BCAS3: variants seen among roughly 807,000 people sequenced by gnomAD.
The protein encoded by BCAS3 is BCAS3 microtubule associated cell migration factor, also known as BCAS4/BCAS3 fusion.
Under a neutral mutation model 116.1 loss-of-function variants are expected in BCAS3, and 53 were observed. The observed-to-expected ratio is 0.46, with a 90% CI of 0.37 to 0.57. BCAS3 has a LOEUF of 0.57. BCAS3 is among the 20% of genes least tolerant of loss of function. The pLI, the probability that BCAS3 is intolerant of heterozygous loss-of-function variation, is 0.00. For synonymous variants in BCAS3, 391 were observed against 408.2 expected (o/e 0.96, Z 0.51); for missense variants, 917 against 1,165.4 (o/e 0.79, Z 3.10).
chr17:60,757,177 A>T (rs2043066921), intron 6 of BCAS3, among the ~76,000 whole-genome samples: 1 of 151,306 alleles, frequency 6.6e-6, no homozygotes, highest in Non-Finnish European at 1.5e-5. Context: ...AAAAAAAAGG[A>T]GTTCCCTTCT....
Position 61,097,274 on chromosome 17 carries a change from G to A in BCAS3, c.2425+12710G>A, listed in dbSNP as rs1018819876. Among the ~76,000 whole-genome samples the A allele has an allele frequency of 6.6e-6, 1 of 152,152 alleles. No homozygotes were observed. Among genetic ancestry groups the A allele is most frequent in the African/African-American group, 2.4e-5 (1 of 41,430 alleles). ...GCTCACTGCAAGCTCCACCTCCCGG[G>A]TTCATGCCATTCTCTTGCCTCAGCC... On this transcript the variant is annotated intron_variant, in intron 22 of 23. Transcript: ENST00000407086. The surrounding 1 kb of genome is among the most constrained non-coding windows in gnomAD (Gnocchi z 4.0).
chr17:61,239,000 G>C (rs955700273), intron 22 of BCAS3, among the ~76,000 whole-genome samples: 2 of 152,004 alleles, frequency 1.3e-5, no homozygotes, highest in South Asian at 4.1e-4. Context: ...AAAATGCTTG[G>C]GTACCTAAGA....
chr17:61,337,840 T>G lies in BCAS3; in HGVS notation c.2426-30487T>G, dbSNP rs2143193153. ...TGTTATGGAGAATTTGTGGTGTGCCTGTGAATATTTCCACCAGTCCTGCAA... is the reference window on the plus strand; with the variant it reads ...TGTTATGGAGAATTTGTGGTGTGCCGGTGAATATTTCCACCAGTCCTGCAA... On this transcript the variant is annotated intron_variant, in intron 22 of 23. Transcript: ENST00000407086. The surrounding 1 kb of genome is among the most constrained non-coding windows in gnomAD (Gnocchi z 4.8). 6.6e-6 allele frequency among the ~76,000 whole-genome samples: 1 copy of G among 152,312 alleles called. No homozygotes were observed. Among genetic ancestry groups the G allele is most frequent in the East Asian group, 1.9e-4 (1 of 5,186 alleles).
rs1223160254 is a variant in BCAS3 at position 61,151,247 on chromosome 17, G to A, written c.2425+66683G>A. Among the ~76,000 whole-genome samples, 1 of 152,102 alleles carries A rather than the reference G, an allele frequency of 6.6e-6. No homozygotes were observed. Among genetic ancestry groups the A allele is most frequent in the African/African-American group, 2.4e-5 (1 of 41,428 alleles). ...TTCATTGGAGGATTTTCGATCTTCAGATTAGGGATTCTCAACCAGTAAGTA... is the reference window on the plus strand; with the variant it reads ...TTCATTGGAGGATTTTCGATCTTCAAATTAGGGATTCTCAACCAGTAAGTA... On this transcript the variant is annotated intron_variant, in intron 22 of 23. Transcript: ENST00000407086. The surrounding 1 kb of genome is among the most constrained non-coding windows in gnomAD (Gnocchi z 4.8).
rs1445644735 is a variant in BCAS3, at chr17:61,256,428, T to G, written c.2426-111899T>G. ...AAGTGATTCTCCTGTCTCAGCCTCC[T>G]GAGTAGCTGGGATTACAGGCGTGGG... On this transcript the variant is annotated intron_variant, in intron 22 of 23. Transcript: ENST00000407086. The surrounding 1 kb of genome is among the most constrained non-coding windows in gnomAD (Gnocchi z 5.6). Among the ~76,000 whole-genome samples the G allele has an allele frequency of 1.3e-5, 2 of 152,142 alleles. No individual in the cohort carries two copies. The highest frequency in any genetic ancestry group is 2.9e-5 in the Non-Finnish European group (2 of 68,008).
chr17:60,799,490 T>C (rs2047507083), intron 6 of BCAS3, among the ~76,000 whole-genome samples: 1 of 150,872 alleles, frequency 6.6e-6, no homozygotes, highest in Non-Finnish European at 1.5e-5. Context: ...ATAGTAGAAT[T>C]ATACAATATG....
At chr17:60,906,548 A>G (rs1476935370) in intron 11 of BCAS3, among the ~76,000 whole-genome samples, 1 of 151,972 alleles carries the variant, frequency 6.6e-6, no homozygotes, top group Admixed American at 6.6e-5. Flanking sequence ...GTTTCTTAGC[A>G]CCCTACCTCC....
intron 9 of BCAS3, among the ~76,000 whole-genome samples, chr17:60,886,821 T>A (rs915191267): frequency 6.6e-6 from 1 of 151,918 alleles, no homozygotes; most frequent in Non-Finnish European, 1.5e-5. Context: ...TCCAGCTGCG[T>A]GCTGGGAGAA....
chr17:60,784,234 A>G (rs1436280990), intron 6 of BCAS3, among the ~76,000 whole-genome samples: 2 of 107,676 alleles, frequency 1.9e-5, no homozygotes, highest in Non-Finnish European at 3.7e-5. Flanking sequence ...TACCAAATTG[A>G]AAAAAAAAAG....
chr17:61,280,909 C>T (rs1202174029), intron 22 of BCAS3, among the ~76,000 whole-genome samples: 1 of 152,146 alleles, frequency 6.6e-6, no homozygotes, highest in Non-Finnish European at 1.5e-5. Flanking sequence ...ACTGATTGGC[C>T]TGCTGTATTC....
chr17:60,881,158 T>C (rs1048020480), intron 9 of BCAS3, among the ~76,000 whole-genome samples: 12 of 152,212 alleles, frequency 7.9e-5, no homozygotes, highest in Admixed American at 7.8e-4. Context: ...GTATTTTTAG[T>C]AGAGATGGGA....
chr17:61,263,176 G>A (rs2049378635), intron 22 of BCAS3, among the ~76,000 whole-genome samples: 1 of 152,208 alleles, frequency 6.6e-6, no homozygotes, highest in African/African-American at 2.4e-5. Flanking sequence ...TGTGGACAAA[G>A]CTTAAGGAAA....
chr17:60,909,650 A>C (rs1021139008), intron 11 of BCAS3, among the ~76,000 whole-genome samples: 1 of 151,888 alleles, frequency 6.6e-6, no homozygotes, highest in Admixed American at 6.6e-5. Flanking sequence ...TCTTCCTTTC[A>C]TTTCTTTTTC....
intron 22 of BCAS3, among the ~76,000 whole-genome samples, chr17:61,089,411 CCTT>C (rs1306790958): frequency 6.7e-6 from 1 of 148,704 alleles, no homozygotes. Context: ...GCTGGAAGGA[CCTT>C]CTTATAGAGG....
intron 6 of BCAS3, among the ~76,000 whole-genome samples, chr17:60,779,141 C>G (rs187018252): frequency 2.6e-5 from 4 of 151,954 alleles, no homozygotes; most frequent in Admixed American, 6.6e-5. Flanking sequence ...AAATTTGGAG[C>G]CTGTTTGAGC....
At position 60,792,448 on chromosome 17, in the gene BCAS3, G is replaced by T. The variant is rs73990982; in HGVS notation, c.404-15556G>T. Among the ~76,000 whole-genome samples the T allele has an allele frequency of 1.9e-3, 288 of 152,344 alleles. 3 individuals carry two copies. Among genetic ancestry groups the T allele is most frequent in the African/African-American group, 6.6e-3 (275 of 41,596 alleles). On this transcript the variant is annotated intron_variant, in intron 6 of 23. Coordinates refer to ENST00000407086, the MANE Select transcript of BCAS3 (RefSeq NM_017679.5). ...CTTGGCAGGCATGGGATCCAGCCTGGTAGTGTGAGCAGAGCACAGCCTGCC... is the reference window on the plus strand; with the variant it reads ...CTTGGCAGGCATGGGATCCAGCCTGTTAGTGTGAGCAGAGCACAGCCTGCC...
chr17:60,827,178 T>G (rs1002191732), intron 7 of BCAS3, among the ~76,000 whole-genome samples: 1 of 152,212 alleles, frequency 6.6e-6, no homozygotes, highest in African/African-American at 2.4e-5. Flanking sequence ...AAAGCAGTGC[T>G]TATATAAAAC....
At chr17:61,280,069 A>G (rs1044310338) in intron 22 of BCAS3, among the ~76,000 whole-genome samples, 2 of 152,194 alleles carry the variant, frequency 1.3e-5, no homozygotes, top group Non-Finnish European at 2.9e-5. Flanking sequence ...CTCTGGTTCA[A>G]CAAAGAGTAG....
rs1360359671 is a variant in BCAS3, at chr17:61,249,395, C to T, written c.2426-118932C>T. Among the ~76,000 whole-genome samples the T allele has an allele frequency of 2.6e-5, 4 of 152,290 alleles. No homozygotes were observed. The highest frequency in any genetic ancestry group is 4.1e-4 in the South Asian group (2 of 4,828). ...GTGCCTTTTTTTGATGTTCCCAGAGCAGAGCACTCCTTAAACTAGGATGAG... is the reference window on the plus strand; with the variant it reads ...GTGCCTTTTTTTGATGTTCCCAGAGTAGAGCACTCCTTAAACTAGGATGAG... On this transcript the variant is annotated intron_variant, in intron 22 of 23. Coordinates refer to ENST00000407086, the MANE Select transcript of BCAS3 (RefSeq NM_017679.5). The surrounding 1 kb of genome is among the most constrained non-coding windows in gnomAD (Gnocchi z 6.2).
Sources: allele counts gnomAD v4.1 joint callset (sites outside exome capture counted in the v4.1 genomes callset), GRCh38; gene constraint gnomAD v4.1.1; non-coding constraint Gnocchi (gnomAD v3.1); transcripts MANE v1.5; gene names NCBI Gene and HGNC (gene_info 2026-07-23, HGNC 2026-07-21).